The following PUDP variants were observed in gnomAD, a reference collection of about 807,000 sequenced individuals.
PUDP encodes the protein pseudouridine 5'-phosphatase.
Under a neutral mutation model 9.4 loss-of-function variants are expected in PUDP, and 8 were observed. The observed-to-expected ratio is 0.85, with a 90% CI of 0.50 to 1.53. PUDP has a LOEUF of 1.53. Ranked by LOEUF, PUDP falls within the 40% of genes most tolerant of loss-of-function variation. PUDP has a pLI of 0.00. For missense variants in PUDP, 188 were observed against 189.7 expected (o/e 0.99, Z 0.05); for synonymous variants, 99 against 80.7 (o/e 1.23, Z -1.22).
chrX:6,946,930 A>G (rs1164267696), intron 3 of PUDP, among the ~76,000 whole-genome samples: 4 of 110,907 alleles, frequency 3.6e-5, no homozygotes, highest in Non-Finnish European at 7.6e-5. Context: ...TGATGCTTTG[A>G]AAAAGAAAAG....
At chrX:6,815,841 C>G (rs1301175594) in intron 3 of PUDP, among the ~76,000 whole-genome samples, 1 of 109,438 alleles carries the variant, frequency 9.1e-6, no homozygotes, top group Admixed American at 1.0e-4. Flanking sequence ...CCAAATCCTC[C>G]CATAACTTTT....
chrX:6,720,254 G>GTATA (rs1403562241), intron 1 of PUDP, among the ~76,000 whole-genome samples: 2,872 of 38,061 alleles, frequency 0.075, 85 homozygotes, highest in Non-Finnish European at 0.091. Flanking sequence ...ATGTGTGTGT[G>GTATA]TGTGTATATA....
intron 3 of PUDP, among the ~76,000 whole-genome samples, chrX:6,923,893 T>G (rs1259310093): frequency 9.0e-6 from 1 of 111,329 alleles, no homozygotes; most frequent in Non-Finnish European, 1.9e-5. Context: ...ACACACACTT[T>G]GCTACCCACA....
chrX:6,723,432 C>CAAAAAAAAAAAAAAAAAA (rs549361509), upstream of PUDP, among the ~76,000 whole-genome samples: 1 of 17,327 alleles, frequency 5.8e-5, no homozygotes, highest in South Asian at 5.0e-3. Context: ...GAGGCTCTGT[C>CAAAAAAAAAAAAAAAAAA]AAAAAAAAAA....
At chrX:6,798,289 T>A (rs1249123643) in intron 3 of PUDP, among the ~76,000 whole-genome samples, 1 of 111,471 alleles carries the variant, frequency 9.0e-6, no homozygotes, top group African/African-American at 3.3e-5. Context: ...TGAGACTTAT[T>A]TACTACTATG....
chrX:7,034,747 C>T (rs1929833305), intron 1 of PUDP, among the ~76,000 whole-genome samples: 1 of 111,235 alleles, frequency 9.0e-6, no homozygotes, highest in Admixed American at 9.6e-5. Context: ...CCCTCTGCTC[C>T]CCACTTTGTC....
chrX:7,047,238 G>A (rs1929994970), downstream of PUDP, among the ~76,000 whole-genome samples: 1 of 111,913 alleles, frequency 8.9e-6, no homozygotes, highest in Non-Finnish European at 1.9e-5. Flanking sequence ...AAAAGATCTC[G>A]AAACCAACCC....
At chrX:7,115,977 A>C (rs1932184669) in intron 1 of PUDP, among the ~76,000 whole-genome samples, 2 of 112,721 alleles carry the variant, frequency 1.8e-5, no homozygotes, top group South Asian at 7.2e-4. Flanking sequence ...CCACGAAAAG[A>C]CCAGATTCTG....
intron 3 of PUDP, among the ~76,000 whole-genome samples, chrX:6,971,742 T>A (rs781411649): frequency 8.9e-6 from 1 of 111,850 alleles, no homozygotes; most frequent in East Asian, 2.8e-4. Flanking sequence ...TTTTTTCTAA[T>A]TCTGTGAAGA....
chrX:7,141,004 G>A (rs1485542327), intron 1 of PUDP, among the ~76,000 whole-genome samples: 1 of 111,507 alleles, frequency 9.0e-6, no homozygotes, highest in Admixed American at 9.6e-5. Context: ...AGGGATAAAT[G>A]TTGTGTGTGT....
intron 1 of PUDP, among the ~76,000 whole-genome samples, chrX:6,712,587 T>C (rs1284678149): frequency 8.9e-6 from 1 of 112,021 alleles, no homozygotes; most frequent in Non-Finnish European, 1.9e-5. Flanking sequence ...TTCAATGATT[T>C]TGGCTAGAAG....
intron 3 of PUDP, among the ~76,000 whole-genome samples, chrX:6,778,832 G>A (rs1010548840): frequency 8.9e-6 from 1 of 112,313 alleles, no homozygotes; most frequent in Non-Finnish European, 1.9e-5. Flanking sequence ...CGTGCCAGCT[G>A]GAGCCTTTAT....
At chrX:6,814,577 T>C (rs762416782) in intron 3 of PUDP, among the ~76,000 whole-genome samples, 4 of 111,396 alleles carry the variant, frequency 3.6e-5, no homozygotes, top group Non-Finnish European at 7.5e-5. Context: ...GAGGAAACAA[T>C]AAAAAGTTTG....
In PUDP at chrX:6,711,428, T is replaced by A. The variant is rs1398588455; in HGVS notation, n.129-4962A>T. On this transcript the variant is annotated intron_variant and non_coding_transcript_variant, in intron 1 of 2. Transcript: ENST00000438499. ...GGAATGCGGGTCTTAGGATCTACAGTCAAACCAGGTAGATCAGAGGATTTC... is the reference window on the plus strand; with the variant it reads ...GGAATGCGGGTCTTAGGATCTACAGACAAACCAGGTAGATCAGAGGATTTC... 2.7e-5 allele frequency among the ~76,000 whole-genome samples: 3 copies of A among 111,075 alleles called. No individual in the cohort carries two copies. The East Asian group carries it at 8.5e-4, about 31-fold the overall frequency.
chrX:7,085,859 G>A (rs1315151244), intron 2 of PUDP, among the ~76,000 whole-genome samples: 1 of 111,405 alleles, frequency 9.0e-6, no homozygotes, highest in Non-Finnish European at 1.9e-5. Flanking sequence ...ACTTGAACAA[G>A]TTCAACAGCT....
chrX:6,966,184 T>C (rs1194169701), intron 3 of PUDP, among the ~76,000 whole-genome samples: 1 of 110,888 alleles, frequency 9.0e-6, no homozygotes, highest in African/African-American at 3.3e-5. Context: ...ATATATATTT[T>C]ATATATAATA....
intron 3 of PUDP, among the ~76,000 whole-genome samples, chrX:6,974,181 T>C (rs1321473116): frequency 1.8e-5 from 2 of 112,190 alleles, no homozygotes; most frequent in Admixed American, 9.4e-5. Context: ...TGTCTTTTTA[T>C]TGGGACATTT....
intron 2 of PUDP, among the ~76,000 whole-genome samples, chrX:7,092,610 C>T (rs905349406): frequency 2.7e-5 from 3 of 111,805 alleles, no homozygotes; most frequent in Admixed American, 9.5e-5. Flanking sequence ...GAGAGTAAGA[C>T]TTTCCCTGTA....
intron 3 of PUDP, among the ~76,000 whole-genome samples, chrX:6,816,252 GTATA>G (rs1164371842): frequency 9.6e-6 from 1 of 104,668 alleles, no homozygotes; most frequent in Non-Finnish European, 1.9e-5. Context: ...TATATGCAGT[GTATA>G]TATATTACAT....
Sources: gnomAD v4.1 joint callset for allele counts (sites outside exome capture counted in the v4.1 genomes callset) on GRCh38, gnomAD v4.1.1 for gene constraint, MANE v1.5 for transcripts, NCBI Gene and HGNC (gene_info 2026-07-23, HGNC 2026-07-21) for gene names.